Variants in ZXDC observed in about 807,000 individuals in gnomAD.
ZXDC encodes the protein ZXD family zinc finger C, also known as zinc finger protein ZXDC.
A neutral mutation model predicts 63.6 loss-of-function variants in ZXDC; 58 were observed. The ratio of observed to expected loss-of-function variants is 0.91; its 90% CI spans 0.74 to 1.13. The LOEUF (loss-of-function observed/expected upper bound fraction) is 1.13, where lower values mean the gene tolerates loss of function less well. Among genes scored for constraint, ZXDC ranks in the 50% most tolerant of loss-of-function variants. The probability of loss-of-function intolerance (pLI) is 0.00; values close to 1 mark genes in which losing one functional copy is unlikely to be tolerated. For synonymous variants in ZXDC, 561 were observed against 496.1 expected (o/e 1.13, Z -1.74); for missense variants, 1,133 against 1,148.9 (o/e 0.99, Z 0.20).
intron 8 of ZXDC, chr3:126,441,047 GC>G: frequency 1.0e-6 from 1 of 985,568 alleles, no homozygotes. Flanking sequence ...AACCCAGACA[GC>G]CCCGGCTTGT....
chr3:126,448,612 A>G (rs1223945990), intron 7 of ZXDC, among the ~76,000 whole-genome samples: 2 of 152,236 alleles, frequency 1.3e-5, no homozygotes, highest in Non-Finnish European at 2.9e-5. Flanking sequence ...AGCAAGCACC[A>G]GAGACCAGCA....
chr3:126,445,488 C>G (rs1006425950), intron 7 of ZXDC, among the ~76,000 whole-genome samples: 1 of 151,920 alleles, frequency 6.6e-6, no homozygotes, highest in African/African-American at 2.4e-5. Flanking sequence ...TTTGGAACTG[C>G]CCCTGGGTTT....
intron 7 of ZXDC, among the ~76,000 whole-genome samples, chr3:126,447,860 G>T (rs115563292): frequency 0.019 from 2,846 of 152,312 alleles, 43 homozygotes; most frequent in Non-Finnish European, 0.029. Context: ...CCATGTGCTG[G>T]TATTTCACTT....
chr3:126,459,219 TGA>T, intron 7 of ZXDC: 2 of 985,156 alleles, frequency 2.0e-6, no homozygotes, highest in Non-Finnish European at 2.4e-6. Flanking sequence ...AACATAACTC[TGA>T]CAATGCCACA....
chr3:126,457,790 A>C, intron 7 of ZXDC: 1 of 456,590 alleles, frequency 2.2e-6, no homozygotes. Flanking sequence ...TCTGGTCACA[A>C]TGGTTGCCAC....
chr3:126,454,725 T>TA, intron 7 of ZXDC: 1 of 985,470 alleles, frequency 1.0e-6, no homozygotes, highest in Non-Finnish European at 1.2e-6. Flanking sequence ...TCTCTGCCCT[T>TA]AGACAGCAGA....
chr3:126,467,340 TCTC>T (rs1427304852), intron 4 of ZXDC, among the ~76,000 whole-genome samples: 1 of 152,064 alleles, frequency 6.6e-6, no homozygotes, highest in Admixed American at 6.6e-5. Flanking sequence ...CTTTTGCGGG[TCTC>T]CTTTTTCTGT....
chr3:126,453,891 T>C (rs749900021), intron 7 of ZXDC: 26 of 985,038 alleles, frequency 2.6e-5, no homozygotes, highest in Non-Finnish European at 3.1e-5. Flanking sequence ...TTTCACCTGA[T>C]TGTCTAGAGG....
At chr3:126,451,981 G>C in intron 7 of ZXDC, 3 of 985,410 alleles carry the variant, frequency 3.0e-6, no homozygotes, top group Non-Finnish European at 2.4e-6. Flanking sequence ...TCATGCCTTA[G>C]AAAAACCTTT....
rs913463594 is a variant in ZXDC at position 126,471,146 on chromosome 3, G to A, written c.1140-121C>T. On this transcript the variant is annotated intron_variant, in intron 3 of 9. Coordinates refer to ENST00000389709, the MANE Select transcript of ZXDC (RefSeq NM_025112.5). The stretch of plus-strand genomic sequence containing the variant: ...TTTACAAAAATGATCAGTACATTTC[G>A]GAAAATCTTAATTCTGTCTTTAATC... 34 of 1,353,906 alleles carry A rather than the reference G, an allele frequency of 2.5e-5. No individual in the cohort carries two copies. In the African/African-American group the frequency reaches 2.8e-4, roughly 11 times the overall value. The allele number at this position is 1,353,906 out of a possible 1,614,324, so 83.9% of individuals were successfully genotyped here. A position where few individuals can be genotyped will look rare whatever the true frequency, so the allele number is the denominator to read the frequency against.
At position 126,454,841 on chromosome 3, in the gene ZXDC, ATTC is replaced by A. The variant is rs571011436; in HGVS notation, c.2212+4809_2212+4811del. Reference sequence around the variant, plus strand: ...TTGACATTTTTACACTGAGAGAAAAATTCTTGTTTTATTCTAAGGGGAGAATCT... The same window carrying A: ...TTGACATTTTTACACTGAGAGAAAAATTGTTTTATTCTAAGGGGAGAATCT... On this transcript the variant is annotated intron_variant, in intron 7 of 9. Transcript: ENST00000389709. The A allele has an allele frequency of 3.8e-4, 377 of 985,446 alleles. No homozygotes were observed. In the African/African-American group the frequency reaches 6.0e-3, roughly 16 times the overall value. 61.0% of individuals were successfully genotyped at this position (985,446 alleles called of 1,614,324 possible). A position where few individuals can be genotyped will look rare whatever the true frequency, so the allele number is the denominator to read the frequency against.
chr3:126,459,600 G>A (rs1934439664), intron 7 of ZXDC, 53 bp downstream of exon 7: 1 of 1,612,526 alleles, frequency 6.2e-7, no homozygotes, highest in Non-Finnish European at 8.5e-7. Context: ...CAGTAACAGT[G>A]ACAGAGAACC....
At chr3:126,461,075 CCCCA>C (rs953410290) in intron 6 of ZXDC, 1 of 985,402 alleles carries the variant, frequency 1.0e-6, no homozygotes, top group Admixed American at 6.1e-5. Context: ...GGCTCATAAA[CCCCA>C]CCCTTTTTTT....
At chr3:126,452,367 A>C (rs942782389) in intron 7 of ZXDC, 1 of 985,242 alleles carries the variant, frequency 1.0e-6, no homozygotes, top group Non-Finnish European at 1.2e-6. Context: ...TCTTTCCTTC[A>C]TCCCACGTCT....
chr3:126,453,560 T>C (rs1302477997), intron 7 of ZXDC: 1 of 985,456 alleles, frequency 1.0e-6, no homozygotes, highest in Non-Finnish European at 1.2e-6. Context: ...TCCACAAGAA[T>C]CCCAAGTGCA....
rs1230794949 is a variant in ZXDC, at chr3:126,441,181, G to A, written c.2394+584C>T. 5.1e-6 allele frequency: 5 copies of A among 985,634 alleles called. No homozygotes were observed. In the African/African-American group the frequency reaches 8.7e-5, roughly 17 times the overall value. 61.1% of individuals were successfully genotyped at this position (985,634 alleles called of 1,614,324 possible). On this transcript the variant is annotated intron_variant, in intron 8 of 9. Transcript: ENST00000389709. ...AAGCAGGTGTGCTCAAAGACCTCCT[G>A]GAAACTGGCCACAGCTGCAGGTATC...
At chr3:126,438,581 A>C in intron 9 of ZXDC, 120 bp from the exon 10 acceptor site, 1 of 773,414 alleles carries the variant, frequency 1.3e-6, no homozygotes, top group South Asian at 1.8e-5. Flanking sequence ...CTCTTACTCA[A>C]AACTACAGGC....
intron 7 of ZXDC, 91 bp from the exon 8 acceptor site, chr3:126,442,037 T>C (rs1933702006): frequency 1.5e-6 from 2 of 1,354,284 alleles, no homozygotes; most frequent in South Asian, 3.6e-5. Context: ...GAAGACAGCC[T>C]TCCCATTAAT....
At position 126,461,757 on chromosome 3, in the gene ZXDC, T is replaced by C. The variant is rs1934554084; in HGVS notation, c.1905A>G (p.Ala635=). The change falls in exon 6 of 10, where the codon GCA becomes GCG. Residue 635 remains alanine, a synonymous_variant. Coordinates refer to ENST00000389709, the MANE Select transcript of ZXDC (RefSeq NM_025112.5). ...TCGAAGAGGTCGGTGTGGTGATATG[T>C]GCTGCTAAGTTACTATTGGAGGTCA... ...LALTSNSNLA[A]HITTPTSSST... 6.2e-7 allele frequency: 1 copy of C among 1,613,958 alleles called. No individual in the cohort carries two copies. Among genetic ancestry groups the C allele is most frequent in the Non-Finnish European group, 8.5e-7 (1 of 1,180,024 alleles).
Sources: allele counts gnomAD v4.1 joint callset (sites outside exome capture counted in the v4.1 genomes callset), GRCh38; gene constraint gnomAD v4.1.1; transcripts MANE v1.5; gene names NCBI Gene and HGNC (gene_info 2026-07-23, HGNC 2026-07-21).